The following ABCC2 variants were observed in gnomAD, a reference collection of about 807,000 sequenced individuals.
ABCC2 encodes ATP binding cassette subfamily C member 2, also known as ATP-binding cassette sub-family C member 2.
In ABCC2, 157 loss-of-function variants were observed where a neutral mutation model predicts 173.4. That is an observed-to-expected ratio of 0.91 (90% CI 0.80 to 1.03). The LOEUF (loss-of-function observed/expected upper bound fraction) is 1.03, where lower values mean the gene tolerates loss of function less well. ABCC2 is among the 50% of genes least tolerant of loss of function. The probability of loss-of-function intolerance (pLI) is 0.00; values close to 1 mark genes in which losing one functional copy is unlikely to be tolerated. For synonymous variants in ABCC2, 657 were observed against 693.5 expected, an observed-to-expected ratio of 0.95 and a Z score of 0.83; for missense variants, 1,822 against 1,852.3, an observed-to-expected ratio of 0.98 and a Z score of 0.30.
At position 99,834,504 on chromosome 10, in the gene ABCC2, T is replaced by A; in HGVS notation, c.3383T>A (p.Ile1128Asn). 1 of 1,614,200 alleles carries A rather than the reference T, an allele frequency of 6.2e-7. No homozygotes were observed. Among genetic ancestry groups the A allele is most frequent in the African/African-American group, 1.3e-5 (1 of 75,046 alleles). Reference sequence around the variant, plus strand: ...ACTCCTGTCTTCACCATCATCGTCATTCCTCTTGGCATTATTTATGTATCT... The same window carrying A: ...ACTCCTGTCTTCACCATCATCGTCAATCCTCTTGGCATTATTTATGTATCT... ...MATPVFTIIVIPLGIIYVSVQ... is the reference protein window; with the variant it reads ...MATPVFTIIVNPLGIIYVSVQ... The change falls in exon 24 of 32, where the codon ATT becomes AAT. Residue 1128 changes from isoleucine to asparagine, a missense_variant. Coordinates refer to ENST00000647814, the MANE Select transcript of ABCC2 (RefSeq NM_000392.5).
Position 99,831,961 on chromosome 10 carries a change from C to T in ABCC2, c.3104-16C>T, listed in dbSNP as rs751992396. ...ATTCCTGTGCATGGTGCTGACAAAACTGCTTCCATCTCTAGGTATATTTGT... is the reference window on the plus strand; with the variant it reads ...ATTCCTGTGCATGGTGCTGACAAAATTGCTTCCATCTCTAGGTATATTTGT... On this transcript the variant is annotated splice_polypyrimidine_tract_variant and intron_variant, in intron 22 of 31. Coordinates refer to ENST00000647814, the MANE Select transcript of ABCC2 (RefSeq NM_000392.5). 2 of 1,614,228 alleles carry T rather than the reference C, an allele frequency of 1.2e-6. No individual in the cohort carries two copies. Among genetic ancestry groups the T allele is most frequent in the Non-Finnish European group, 1.7e-6 (2 of 1,180,024 alleles).
At chr10:99,812,178 C>T (rs2038227328) in intron 15 of ABCC2, among the ~76,000 whole-genome samples, 1 of 152,206 alleles carries the variant, frequency 6.6e-6, no homozygotes, top group Admixed American at 6.5e-5. Flanking sequence ...CTCCTGACTT[C>T]CCACTCCTCT....
At chr10:99,804,828 C>T (rs1319466279) in intron 10 of ABCC2, among the ~76,000 whole-genome samples, 1 of 152,214 alleles carries the variant, frequency 6.6e-6, no homozygotes, top group Non-Finnish European at 1.5e-5. Flanking sequence ...ATATTTCTTA[C>T]ATATCTTACT....
chr10:99,809,726 T>C (rs2756114), intron 13 of ABCC2, among the ~76,000 whole-genome samples: 60,261 of 152,168 alleles, frequency 0.4, 12,139 homozygotes, highest in African/African-American at 0.44. Flanking sequence ...CCCCTGATGC[T>C]ATAGCCAGTT....
intron 19 of ABCC2, among the ~76,000 whole-genome samples, chr10:99,823,936 TA>T (rs1196473796): frequency 7.0e-6 from 1 of 142,904 alleles, no homozygotes; most frequent in Non-Finnish European, 1.5e-5. Flanking sequence ...AAGTACAATG[TA>T]AAAGTCTTAA....
At chr10:99,819,396 A>G in intron 19 of ABCC2, 127 bp downstream of exon 19, 2 of 949,552 alleles carry the variant, frequency 2.1e-6, no homozygotes, top group South Asian at 1.4e-5. Flanking sequence ...AGAGATTCAA[A>G]CTCTGCTTTC....
chr10:99,846,761 C>A (rs2039022938), intron 29 of ABCC2, among the ~76,000 whole-genome samples, 200 bp from the exon 30 acceptor site: 1 of 152,130 alleles, frequency 6.6e-6, no homozygotes, highest in African/African-American at 2.4e-5. Context: ...CCGAGGACTT[C>A]TAACCCTGTG....
chr10:99,829,513 T>C (rs1175298287), intron 19 of ABCC2, among the ~76,000 whole-genome samples: 2 of 151,760 alleles, frequency 1.3e-5, no homozygotes, highest in Non-Finnish European at 2.9e-5. Context: ...GTTCCTATTC[T>C]ACCATCCCCA....
At chr10:99,844,874 C>T (rs936125204) in intron 28 of ABCC2, among the ~76,000 whole-genome samples, 1 of 152,174 alleles carries the variant, frequency 6.6e-6, no homozygotes, top group African/African-American at 2.4e-5. Context: ...CAAAGTCAGG[C>T]ACCCTCCTTA....
chr10:99,845,625 T>G lies in ABCC2; in HGVS notation c.3989T>G (p.Ile1330Ser). The G allele has an allele frequency of 6.2e-7, 1 of 1,613,722 alleles. No individual in the cohort carries two copies. The highest frequency in any genetic ancestry group is 8.5e-7 in the Non-Finnish European group (1 of 1,179,902). The change falls in exon 29 of 32, where the codon ATT becomes AGT. Residue 1330 changes from isoleucine (I) to serine (S), a missense_variant and splice_region_variant. Ile to Ser is a moderately radical substitution (Grantham distance 142). Coordinates refer to ENST00000647814, the MANE Select transcript of ABCC2 (RefSeq NM_000392.5). ...TGTGTAAGGGAACTATATTCGCAGA[T>G]TGGTGTGGTGGGCAGGACAGGAGCT... is the stretch of plus-strand genomic sequence containing the variant. ...ITCDIGSMEK[I>S]GVVGRTGAGK... is the part of the protein sequence containing the mutation.
chr10:99,844,288 AT>A (rs779009758), intron 27 of ABCC2, 33 bp from the exon 28 acceptor site: 7 of 1,613,602 alleles, frequency 4.3e-6, no homozygotes, highest in Non-Finnish European at 5.9e-6. Flanking sequence ...TTGCCACCTT[AT>A]AAAACTTACT....
In ABCC2 at chr10:99,832,070, G is replaced by C. The variant is rs768051811; in HGVS notation, c.3197G>C (p.Arg1066Pro). The change falls in exon 23 of 32, where the codon CGA (arginine) becomes CCA (proline). Residue 1066 changes from arginine (R) to proline (P), a missense_variant. Physicochemically the swap from Arg to Pro is moderately radical, Grantham distance 103 (BLOSUM62 -2). Coordinates refer to ENST00000647814, the MANE Select transcript of ABCC2 (RefSeq NM_000392.5). ...LHKQLLNNIL[R>P]APMRFFDTTP... is the part of the protein sequence containing the mutation. ...AAGCAACTGCTGAACAATATCCTTC[G>C]AGCACCTATGAGATTTTTTGACACA... The C allele has an allele frequency of 6.2e-7, 1 of 1,614,074 alleles. No homozygotes were observed. Among genetic ancestry groups the C allele is most frequent in the South Asian group, 1.1e-5 (1 of 91,072 alleles).
chr10:99,808,404 C>A (rs1017271707), intron 13 of ABCC2, among the ~76,000 whole-genome samples, 175 bp downstream of exon 13: 4 of 152,112 alleles, frequency 2.6e-5, no homozygotes, highest in Non-Finnish European at 5.9e-5. Context: ...GTTTTCTGAG[C>A]CCCAGTTTAT....
chr10:99,830,555 GT>G, intron 20 of ABCC2, 122 bp downstream of exon 20: 2 of 1,570,040 alleles, frequency 1.3e-6, no homozygotes, highest in Non-Finnish European at 1.7e-6. Context: ...CTCTTCCTTT[GT>G]TTCTTTGTTG....
intron 19 of ABCC2, among the ~76,000 whole-genome samples, chr10:99,828,083 C>T (rs972389225): frequency 7.4e-5 from 11 of 149,346 alleles, no homozygotes; most frequent in East Asian, 2.0e-4. Context: ...CCATGGTTAC[C>T]GTAAGAAAAT....
intron 16 of ABCC2, among the ~76,000 whole-genome samples, chr10:99,814,930 A>G (rs1342643820): frequency 6.6e-6 from 1 of 150,908 alleles, no homozygotes; most frequent in Non-Finnish European, 1.5e-5. Flanking sequence ...CAGCCTCCCA[A>G]ATAGCTGGGA....
At chr10:99,791,253 C>G (rs2037807083) in intron 2 of ABCC2, among the ~76,000 whole-genome samples, 1 of 152,000 alleles carries the variant, frequency 6.6e-6, no homozygotes, top group Non-Finnish European at 1.5e-5. Flanking sequence ...ACTAAAAATA[C>G]AAAAATTAGC....
intron 25 of ABCC2, among the ~76,000 whole-genome samples, chr10:99,838,369 C>T (rs1266594482): frequency 3.4e-5 from 4 of 117,168 alleles, no homozygotes; most frequent in Non-Finnish European, 5.6e-5. Context: ...GGCGGCTGGC[C>T]GGGCGGGGGG....
intron 19 of ABCC2, among the ~76,000 whole-genome samples, chr10:99,824,129 TA>T (rs957533961): frequency 2.6e-5 from 4 of 152,132 alleles, no homozygotes; most frequent in African/African-American, 7.2e-5. Flanking sequence ...CCTCTGGGGT[TA>T]ACATTCTTTT....
Sources: gnomAD v4.1 joint callset for allele counts (sites outside exome capture counted in the v4.1 genomes callset) on GRCh38, gnomAD v4.1.1 for gene constraint, MANE v1.5 for transcripts, NCBI Gene and HGNC (gene_info 2026-07-23, HGNC 2026-07-21) for gene names.